The following SPIRE1 variants were observed in gnomAD, a reference collection of about 807,000 sequenced individuals.
The protein encoded by SPIRE1 is spire type actin nucleation factor 1.
In SPIRE1, 40 loss-of-function variants were observed where a neutral mutation model predicts 94.1. That is an observed-to-expected ratio of 0.43 (90% CI 0.33 to 0.55). The LOEUF is 0.55. Ranked by LOEUF, SPIRE1 falls within the 20% of genes least tolerant of loss-of-function variation. The probability of loss-of-function intolerance (pLI) is 0.06; values close to 1 mark genes in which losing one functional copy is unlikely to be tolerated. For missense variants in SPIRE1, 838 were observed against 975.2 expected (o/e 0.86, Z 1.87); for synonymous variants, 376 against 371.7 (o/e 1.01, Z -0.13).
intron 2 of SPIRE1, among the ~76,000 whole-genome samples, chr18:12,626,888 T>TATATA (rs1567976766): frequency 5.2e-3 from 239 of 45,746 alleles, no homozygotes; most frequent in African/African-American, 6.1e-3. Context: ...ATATATATAT[T>TATATA]TTTTTTTTTT....
rs529485454 is a variant in SPIRE1, at chr18:12,576,346, C to G, written c.373-29442G>C. On this transcript the variant is annotated intron_variant, in intron 2 of 16. Transcript: ENST00000409402. ...GGCATGGTGGCTCACCTCTGTAATC[C>G]TGACACTTTGGGAGGCTGAGACGGG... 8.5e-5 allele frequency among the ~76,000 whole-genome samples: 13 copies of G among 152,104 alleles called. No homozygotes were observed. In the South Asian group the frequency reaches 2.7e-3, roughly 32 times the overall value.
At chr18:12,658,254 G>A (rs1329660702), upstream of SPIRE1, 1 of 466,722 alleles carries the variant, frequency 2.1e-6, no homozygotes. Flanking sequence ...TGGCCGCACG[G>A]TCTCTAGCCC....
At chr18:12,596,137 T>C (rs1258324987) in intron 2 of SPIRE1, among the ~76,000 whole-genome samples, 1 of 152,220 alleles carries the variant, frequency 6.6e-6, no homozygotes, top group African/African-American at 2.4e-5. Flanking sequence ...AGTCTGACTG[T>C]GTATGAATGG....
chr18:12,470,226 G>T (rs1188902622), intron 10 of SPIRE1, among the ~76,000 whole-genome samples: 1 of 152,112 alleles, frequency 6.6e-6, no homozygotes, highest in Non-Finnish European at 1.5e-5. Context: ...AGGATTACAG[G>T]CATAATCTTA....
chr18:12,615,556 A>AAAAAAAAAAAAAAAAAT lies in SPIRE1; in HGVS notation c.372+19505_372+19506insATTTTTTTTTTTTTTTT, dbSNP rs2037283701. Among the ~76,000 whole-genome samples, 2 of 146,950 alleles carry AAAAAAAAAAAAAAAAAT rather than the reference A, an allele frequency of 1.4e-5. 1 individual carries two copies. The highest frequency in any genetic ancestry group is 3.0e-5 in the Non-Finnish European group (2 of 66,696). ...CTCTATCTCCACAAAAAAAAAAAAAATCCCAAATTTTAAGATAACATTTTT... is the reference window on the plus strand; with the variant it reads ...CTCTATCTCCACAAAAAAAAAAAAAAAAAAAAAAAAAAAAAATTCCCAAATTTTAAGATAACATTTTT... On this transcript the variant is annotated intron_variant, in intron 2 of 16. Transcript: ENST00000409402.
chr18:12,494,280 T>G (rs535067567), intron 7 of SPIRE1, among the ~76,000 whole-genome samples: 23 of 152,272 alleles, frequency 1.5e-4, no homozygotes, highest in African/African-American at 5.5e-4. Flanking sequence ...CCTTCTTAGA[T>G]TGTTATTATC....
intron 2 of SPIRE1, among the ~76,000 whole-genome samples, chr18:12,622,599 T>A (rs1198310793): frequency 6.6e-6 from 1 of 151,300 alleles, no homozygotes; most frequent in Non-Finnish European, 1.5e-5. Context: ...ATTTTTTGTA[T>A]TTTTAGTAGA....
intron 1 of SPIRE1, among the ~76,000 whole-genome samples, chr18:12,651,082 T>C (rs1598586469): frequency 6.6e-6 from 1 of 152,304 alleles, no homozygotes; most frequent in East Asian, 1.9e-4. Flanking sequence ...TCTTCTTTAA[T>C]GACTAGAACT....
At chr18:12,626,888 T>TA (rs1567976766) in intron 2 of SPIRE1, among the ~76,000 whole-genome samples, 939 of 45,706 alleles carry the variant, frequency 0.021, 5 homozygotes, top group East Asian at 0.037. Context: ...ATATATATAT[T>TA]TTTTTTTTTT....
At chr18:12,597,090 C>G (rs888027916) in intron 2 of SPIRE1, among the ~76,000 whole-genome samples, 4 of 151,096 alleles carry the variant, frequency 2.6e-5, no homozygotes, top group African/African-American at 9.7e-5. Flanking sequence ...ACCTAAGCAC[C>G]CTTTCATTAT....
intron 1 of SPIRE1, among the ~76,000 whole-genome samples, chr18:12,643,911 G>A (rs1378532210): frequency 6.6e-6 from 1 of 151,608 alleles, no homozygotes; most frequent in African/African-American, 2.4e-5. Flanking sequence ...AAGTCAAGCT[G>A]AGCACTGTGA....
rs1598889982 is a variant in SPIRE1 at position 12,460,318 on chromosome 18, C to T, written c.1638+3033G>A. On this transcript the variant is annotated intron_variant, in intron 12 of 16. Coordinates refer to ENST00000409402, the MANE Select transcript of SPIRE1 (RefSeq NM_001128626.2). ...AGGAAGGTACTGCCAACACGAGGTG[C>T]CTTTAGACTGGATGGGCATTTGCCC... 3.3e-5 allele frequency among the ~76,000 whole-genome samples: 5 copies of T among 152,212 alleles called. No homozygotes were observed. In the South Asian group the frequency reaches 1.0e-3, roughly 32 times the overall value.
chr18:12,494,921 G>A (rs188745266), intron 7 of SPIRE1, among the ~76,000 whole-genome samples: 15 of 149,926 alleles, frequency 1.0e-4, no homozygotes, highest in African/African-American at 3.2e-4. Flanking sequence ...GTGGTGGCAG[G>A]TGCCTGTAGT....
intron 1 of SPIRE1, among the ~76,000 whole-genome samples, chr18:12,657,008 G>A (rs1023554784): frequency 6.6e-6 from 1 of 152,226 alleles, no homozygotes. Flanking sequence ...TTTCCGAACC[G>A]AGGAAAGGCT....
chr18:12,608,368 C>T (rs1003345671), intron 2 of SPIRE1, among the ~76,000 whole-genome samples: 1 of 152,160 alleles, frequency 6.6e-6, no homozygotes, highest in African/African-American at 2.4e-5. Context: ...CTACAATGAA[C>T]CATTATTCCA....
intron 11 of SPIRE1, among the ~76,000 whole-genome samples, chr18:12,464,423 C>T (rs1050338065): frequency 1.3e-5 from 2 of 152,158 alleles, no homozygotes; most frequent in Admixed American, 1.3e-4. Context: ...AATCCCTTAA[C>T]TTTAGATATC....
At chr18:12,639,664 G>C (rs1290456564) in intron 1 of SPIRE1, among the ~76,000 whole-genome samples, 1 of 152,022 alleles carries the variant, frequency 6.6e-6, no homozygotes, top group Admixed American at 6.6e-5. Context: ...CCAGGAGGCG[G>C]AGGTTGCAGT....
At chr18:12,569,364 C>G (rs2035902426) in intron 2 of SPIRE1, among the ~76,000 whole-genome samples, 1 of 150,148 alleles carries the variant, frequency 6.7e-6, no homozygotes, top group Non-Finnish European at 1.5e-5. Context: ...AAAAGGAGCA[C>G]AGGCATAACA....
intron 4 of SPIRE1, among the ~76,000 whole-genome samples, chr18:12,532,690 A>G (rs1307893139): frequency 6.6e-6 from 1 of 152,258 alleles, no homozygotes; most frequent in Admixed American, 6.5e-5. Flanking sequence ...TATTTTTGAG[A>G]AAAGGCTGAA....
Sources: allele counts gnomAD v4.1 joint callset (sites outside exome capture counted in the v4.1 genomes callset), GRCh38; gene constraint gnomAD v4.1.1; transcripts MANE v1.5; gene names NCBI Gene and HGNC (gene_info 2026-07-23, HGNC 2026-07-21).